Variants in ROS1 observed in about 807,000 individuals in gnomAD.
ROS1 encodes proto-oncogene tyrosine-protein kinase ROS.
Under a neutral mutation model 273.5 loss-of-function variants are expected in ROS1, and 263 were observed. That is an observed-to-expected ratio of 0.96 (90% CI 0.87 to 1.06). The LOEUF (loss-of-function observed/expected upper bound fraction) is 1.06. ROS1 is among the 50% of genes least tolerant of loss of function. The probability of loss-of-function intolerance (pLI) is 0.00; values close to 1 mark genes in which losing one functional copy is unlikely to be tolerated. For synonymous variants in ROS1, 1,008 were observed against 954.1 expected, an observed-to-expected ratio of 1.06 and a Z score of -1.04; for missense variants, 2,833 against 2,751.1, an observed-to-expected ratio of 1.03 and a Z score of -0.67.
intron 12 of ROS1, among the ~76,000 whole-genome samples, chr6:117,392,325 T>C (rs746192030): frequency 4.6e-5 from 7 of 152,190 alleles, no homozygotes; most frequent in Non-Finnish European, 1.0e-4. Context: ...AAAGTTTTGT[T>C]TGTGAAAAAC....
In ROS1 at chr6:117,344,079, T is replaced by C. The variant is rs1421203380; in HGVS notation, c.4487A>G (p.Asp1496Gly). The change falls in exon 28 of 44, where the codon GAC (aspartate) becomes GGC (glycine). Residue 1496 changes from aspartate to glycine, a missense_variant. By Grantham distance (94) the Asp-to-Gly change is moderately conservative (BLOSUM62 -1). Coordinates refer to ENST00000368507, the MANE Select transcript of ROS1 (RefSeq NM_001378902.1). ...TCTTACCAGAATTCTATATTTCAAG[T>C]CAGAGCTGTTTTTCCTGTCATTAAC... is the stretch of plus-strand genomic sequence containing the variant. Reference protein sequence around the residue: ...AEVNDRKNSSDLKYRILEFQD... With the variant: ...AEVNDRKNSSGLKYRILEFQD... 2.5e-6 allele frequency: 4 copies of C among 1,613,466 alleles called. No homozygotes were observed. The Admixed American group carries it at 5.0e-5, about 20-fold the overall frequency.
At chr6:117,318,915 C>A (rs1421014507) in intron 37 of ROS1, among the ~76,000 whole-genome samples, 1 of 152,102 alleles carries the variant, frequency 6.6e-6, no homozygotes, top group Non-Finnish European at 1.5e-5. Flanking sequence ...GATACTGGCT[C>A]TGACCTGACA....
chr6:117,356,740 T>G lies in ROS1; in HGVS notation c.4015A>C (p.Thr1339Pro). 6.2e-7 allele frequency: 1 copy of G among 1,614,142 alleles called. No homozygotes were observed. The change falls in exon 26 of 44, where the codon ACC becomes CCC. Residue 1339 changes from threonine to proline, a missense_variant. Physicochemically the swap from Thr to Pro is conservative, Grantham distance 38 (BLOSUM62 -1). Coordinates refer to ENST00000368507, the MANE Select transcript of ROS1 (RefSeq NM_001378902.1). ...ATCAATGGTTTCTCTAGGTTAGAGGTATCAATAGCCATTGCTCCACTTAAC... is the reference window on the plus strand; with the variant it reads ...ATCAATGGTTTCTCTAGGTTAGAGGGATCAATAGCCATTGCTCCACTTAAC... Reference protein sequence around the residue: ...FELSGAMAIDTSNLEKPLIYF... With the variant: ...FELSGAMAIDPSNLEKPLIYF...
chr6:117,364,405 C>T (rs1780037333), intron 21 of ROS1, among the ~76,000 whole-genome samples: 1 of 152,184 alleles, frequency 6.6e-6, no homozygotes, highest in Non-Finnish European at 1.5e-5. Flanking sequence ...TAAGTCCCAG[C>T]CCAGCCACTT....
chr6:117,423,482 A>T (rs9320600), intron 1 of ROS1, among the ~76,000 whole-genome samples: 18,976 of 152,210 alleles, frequency 0.12, 1,305 homozygotes, highest in African/African-American at 0.16. Flanking sequence ...ACAATACTAG[A>T]GTTCTGAAGA....
intron 21 of ROS1, 67 bp downstream of exon 21, chr6:117,364,993 C>A: frequency 6.9e-7 from 1 of 1,438,954 alleles, no homozygotes; most frequent in Non-Finnish European, 9.7e-7. Flanking sequence ...TATCAACTAT[C>A]CATTCCAGAT....
At chr6:117,307,123 AT>A (rs1775163824) in intron 42 of ROS1, among the ~76,000 whole-genome samples, 1 of 152,100 alleles carries the variant, frequency 6.6e-6, no homozygotes, top group Admixed American at 6.6e-5. Flanking sequence ...TTCTAGTTGC[AT>A]TTTTTATACC....
chr6:117,357,421 A>G (rs899849635), intron 25 of ROS1, among the ~76,000 whole-genome samples: 2 of 152,346 alleles, frequency 1.3e-5, no homozygotes, highest in African/African-American at 2.4e-5. Context: ...TTAAACTAAG[A>G]TGGATGAGCA....
intron 18 of ROS1, among the ~76,000 whole-genome samples, chr6:117,378,244 T>C (rs1362500134): frequency 1.3e-5 from 2 of 152,130 alleles, no homozygotes; most frequent in African/African-American, 2.4e-5. Context: ...TAACCAAAAT[T>C]AGGAAGCAAT....
chr6:117,353,251 A>G (rs923219608), intron 26 of ROS1, 85 bp from the exon 27 acceptor site: 11 of 948,708 alleles, frequency 1.2e-5, no homozygotes, highest in Non-Finnish European at 1.7e-5. Flanking sequence ...TTTTTTCTAT[A>G]TTATAATTGC....
rs139467403 is a variant in ROS1 at position 117,365,618 on chromosome 6, A to G, written c.2921T>C (p.Val974Ala). 1.9e-4 allele frequency: 304 copies of G among 1,613,166 alleles called. No homozygotes were observed. In the Middle Eastern group the frequency reaches 2.5e-3, roughly 13 times the overall value. Residue 974 changes from valine (V) to alanine (A), a missense_variant, in exon 20 of 44, where the codon GTA (valine) becomes GCA (alanine). Coordinates refer to ENST00000368507, the MANE Select transcript of ROS1 (RefSeq NM_001378902.1). The stretch of plus-strand genomic sequence containing the variant: ...ACTAAATTCTACACTGTAGAAAACT[A>G]CACCCCAGTCTACCGCAGGGGGACC... ...WNGPPAVDWG[V>A]VFYSVEFSAH...
chr6:117,308,729 G>C (rs2128545646), intron 42 of ROS1, 65 bp downstream of exon 42: 1 of 1,493,856 alleles, frequency 6.7e-7, no homozygotes, highest in Non-Finnish European at 9.1e-7. Context: ...TATATCAAGA[G>C]GCCTAAGATT....
rs373471832 is a variant in ROS1 at position 117,310,078 on chromosome 6, T to C, written c.6416+3A>G. The C allele has an allele frequency of 6.2e-6, 10 of 1,611,528 alleles. No homozygotes were observed. In the African/African-American group the frequency reaches 1.2e-4, roughly 19 times the overall value. On this transcript the variant is annotated splice_donor_region_variant and intron_variant, in intron 41 of 43. Coordinates refer to ENST00000368507, the MANE Select transcript of ROS1 (RefSeq NM_001378902.1). ...GCATTACTCTGTGTCCCGTTAAACT[T>C]ACCATACATCAGATTGAGTAGTGAA...
At chr6:117,400,745 G>C (rs1428299139) in intron 7 of ROS1, among the ~76,000 whole-genome samples, 1 of 152,064 alleles carries the variant, frequency 6.6e-6, no homozygotes, top group East Asian at 1.9e-4. Flanking sequence ...CAAATATTAA[G>C]GGCCCTTGGG....
At position 117,310,010 on chromosome 6, in the gene ROS1, G is replaced by C. The variant is rs575298683; in HGVS notation, c.6416+71C>G. ...TTCTCACATTAAAAAAGCAAGATTA[G>C]ATGTCCTTTTAAAATCCCCTCTAAT... On this transcript the variant is annotated intron_variant, in intron 41 of 43. Coordinates refer to ENST00000368507, the MANE Select transcript of ROS1 (RefSeq NM_001378902.1). 91 of 1,327,658 alleles carry C rather than the reference G, an allele frequency of 6.9e-5. No homozygotes were observed. The East Asian group carries it at 2.1e-3, about 30-fold the overall frequency. The allele number at this position is 1,327,658 out of a possible 1,614,324, so 82.2% of individuals were successfully genotyped here. A position where few individuals can be genotyped will look rare whatever the true frequency, so the allele number is the denominator to read the frequency against.
chr6:117,387,439 C>A (rs1248727560), intron 14 of ROS1, among the ~76,000 whole-genome samples: 1 of 152,198 alleles, frequency 6.6e-6, no homozygotes, highest in Non-Finnish European at 1.5e-5. Context: ...CTCTCAACTT[C>A]TCTCAGCAAG....
intron 32 of ROS1, among the ~76,000 whole-genome samples, chr6:117,335,985 G>A (rs891570802): frequency 3.3e-5 from 5 of 152,016 alleles, no homozygotes; most frequent in Non-Finnish European, 7.4e-5. Flanking sequence ...GAAATATTCA[G>A]AAATATTCTT....
chr6:117,396,419 T>A (rs757027288), intron 8 of ROS1, among the ~76,000 whole-genome samples, 155 bp from the exon 9 acceptor site: 4 of 152,166 alleles, frequency 2.6e-5, no homozygotes, highest in African/African-American at 9.7e-5. Context: ...GAAATGACCA[T>A]CAATCACATC....
In ROS1 at chr6:117,383,517, C is replaced by T. The variant is rs775411667; in HGVS notation, c.2290-9G>A. On this transcript the variant is annotated splice_polypyrimidine_tract_variant and intron_variant, in intron 16 of 43. Transcript: ENST00000368507. ...ACAGACTGCCTTTGTATCTAAAAAA[C>T]ATAATTGTATGGCCAGTTAATGGCT... 2 of 1,608,178 alleles carry T rather than the reference C, an allele frequency of 1.2e-6. No individual in the cohort carries two copies. The highest frequency in any genetic ancestry group is 2.2e-5 in the East Asian group (1 of 44,832).
Sources: gnomAD v4.1 joint callset for allele counts (sites outside exome capture counted in the v4.1 genomes callset) on GRCh38, gnomAD v4.1.1 for gene constraint, MANE v1.5 for transcripts, NCBI Gene and HGNC (gene_info 2026-07-23, HGNC 2026-07-21) for gene names.